The following PIAS2 variants were observed in gnomAD, a reference collection of about 807,000 sequenced individuals.
The protein encoded by PIAS2 is protein inhibitor of activated STAT 2, also known as E3 SUMO-protein ligase PIAS2.
In PIAS2, 19 loss-of-function variants were observed where a neutral mutation model predicts 69.7. That is an observed-to-expected ratio of 0.27 (90% CI 0.19 to 0.40). The LOEUF (loss-of-function observed/expected upper bound fraction) is 0.40. PIAS2 is among the 10% of genes least tolerant of loss of function. The probability of loss-of-function intolerance (pLI) is 1.00; values close to 1 mark genes in which losing one functional copy is unlikely to be tolerated. For synonymous variants in PIAS2, 261 were observed against 263.2 expected (o/e 0.99, Z 0.08); for missense variants, 624 against 757.0 (o/e 0.82, Z 2.06).
intron 11 of PIAS2, among the ~76,000 whole-genome samples, chr18:46,822,304 AAC>A (rs2042261255): frequency 6.6e-6 from 1 of 152,232 alleles, no homozygotes; most frequent in African/African-American, 2.4e-5. Flanking sequence ...GTGAATAAAT[AAC>A]ACAGGTCAGA....
At chr18:46,818,683 A>G (rs1195908670) in intron 12 of PIAS2, among the ~76,000 whole-genome samples, 2 of 152,098 alleles carry the variant, frequency 1.3e-5, no homozygotes, top group South Asian at 2.1e-4. Context: ...AAGTAAAACT[A>G]AACTATTTAG....
chr18:46,872,365 G>C lies in PIAS2; in HGVS notation c.500-8117C>G, dbSNP rs149309831. The stretch of plus-strand genomic sequence containing the variant: ...CAGGGACATATTTGTTTTTGAATGG[G>C]AAGATCCTCATTCTGAGCGAAAGCA... On this transcript the variant is annotated intron_variant, in intron 2 of 13. Transcript: ENST00000585916. Among the ~76,000 whole-genome samples, 162 of 152,352 alleles carry C rather than the reference G, an allele frequency of 1.1e-3. 1 individual carries two copies. Among genetic ancestry groups the C allele is most frequent in the Middle Eastern group, 0.01 (3 of 294 alleles).
intron 1 of PIAS2, among the ~76,000 whole-genome samples, chr18:46,911,512 G>A (rs1030884771): frequency 6.6e-6 from 1 of 151,986 alleles, no homozygotes; most frequent in African/African-American, 2.4e-5. Context: ...CACTGTGCCC[G>A]GCTGACTTTG....
intron 3 of PIAS2, among the ~76,000 whole-genome samples, chr18:46,859,867 G>A (rs2048402930): frequency 6.6e-6 from 1 of 152,166 alleles, no homozygotes; most frequent in African/African-American, 2.4e-5. Context: ...TTATCATAGA[G>A]TAGCAAGAAG....
At chr18:46,853,825 G>A (rs2047341261) in intron 5 of PIAS2, 1 of 152,318 alleles carries the variant, frequency 6.6e-6, no homozygotes, top group Non-Finnish European at 1.5e-5. Flanking sequence ...AAAAAGGATA[G>A]CTCCTGAGAA....
At chr18:46,890,336 G>A (rs2053879202) in intron 2 of PIAS2, among the ~76,000 whole-genome samples, 1 of 152,140 alleles carries the variant, frequency 6.6e-6, no homozygotes, top group Admixed American at 6.5e-5. Context: ...TGATCAAGAT[G>A]ATACATTTTA....
chr18:46,911,134 C>T (rs1467609824), intron 1 of PIAS2, among the ~76,000 whole-genome samples: 2 of 151,890 alleles, frequency 1.3e-5, no homozygotes, highest in African/African-American at 2.4e-5. Flanking sequence ...ATGGCTACAA[C>T]ATGAGAACCC....
At chr18:46,879,289 T>C (rs918215664) in intron 2 of PIAS2, among the ~76,000 whole-genome samples, 2 of 152,112 alleles carry the variant, frequency 1.3e-5, no homozygotes, top group Admixed American at 6.5e-5. Context: ...ATGGCAAATA[T>C]GCACATGAAA....
chr18:46,910,499 A>C (rs2057138914), intron 1 of PIAS2, among the ~76,000 whole-genome samples: 1 of 152,184 alleles, frequency 6.6e-6, no homozygotes, highest in African/African-American at 2.4e-5. Context: ...GAAGTGTCTC[A>C]AGAACTCTAG....
At chr18:46,828,477 C>T (rs1411896247) in intron 10 of PIAS2, among the ~76,000 whole-genome samples, 1 of 152,170 alleles carries the variant, frequency 6.6e-6, no homozygotes, top group Non-Finnish European at 1.5e-5. Flanking sequence ...GAAAGACACG[C>T]AGAGTTAGGG....
At chr18:46,831,602 A>G (rs2043628909) in intron 9 of PIAS2, among the ~76,000 whole-genome samples, 1 of 152,254 alleles carries the variant, frequency 6.6e-6, no homozygotes, top group Non-Finnish European at 1.5e-5. Context: ...CAGCAAATGC[A>G]GTATTGACAT....
upstream of PIAS2, among the ~76,000 whole-genome samples, chr18:46,918,335 CA>C (rs1200911729): frequency 6.6e-6 from 1 of 152,156 alleles, no homozygotes; most frequent in Non-Finnish European, 1.5e-5. Flanking sequence ...GTCTTTAAAA[CA>C]ATGTAACTTT....
At position 46,803,308 on chromosome 18, in the gene PIAS2, G is replaced by GT. The variant is rs1212217893; in HGVS notation, c.*9124dup. The stretch of plus-strand genomic sequence containing the variant: ...AAATATGGTGGTATTTTAAATGAAA[G>GT]TTTTTTAAAAAATGGATACTTACTT... On this transcript the variant is annotated 3_prime_UTR_variant, in exon 14 of 14. Coordinates refer to ENST00000585916, the MANE Select transcript of PIAS2 (RefSeq NM_004671.5). 1.3e-5 allele frequency: 2 copies of GT among 152,056 alleles called. No individual in the cohort carries two copies. Among genetic ancestry groups the GT allele is most frequent in the African/African-American group, 2.4e-5 (1 of 41,412 alleles). 9.4% of individuals were successfully genotyped at this position (152,056 alleles called of 1,614,324 possible).
At chr18:46,834,146 G>A (rs569091679) in intron 9 of PIAS2, among the ~76,000 whole-genome samples, 5 of 152,134 alleles carry the variant, frequency 3.3e-5, no homozygotes, top group African/African-American at 7.2e-5. Context: ...AATGTATGAC[G>A]GAACAACTGC....
At chr18:46,854,410 A>G (rs1183814908) in intron 5 of PIAS2, among the ~76,000 whole-genome samples, 1 of 152,160 alleles carries the variant, frequency 6.6e-6, no homozygotes, top group Non-Finnish European at 1.5e-5. Context: ...TCTCTTAGTG[A>G]TTCAGTTACA....
chr18:46,885,941 T>C (rs948322234), intron 2 of PIAS2, among the ~76,000 whole-genome samples: 7 of 152,248 alleles, frequency 4.6e-5, no homozygotes, highest in African/African-American at 1.7e-4. Flanking sequence ...TATTTAACTT[T>C]ACTGAGGTTA....
At chr18:46,886,448 A>G (rs570387069) in intron 2 of PIAS2, among the ~76,000 whole-genome samples, 2 of 152,362 alleles carry the variant, frequency 1.3e-5, no homozygotes, top group East Asian at 1.9e-4. Context: ...AATTAGGGAA[A>G]TACGTTAACC....
In PIAS2 at chr18:46,827,967, T is replaced by C; in HGVS notation, c.1500A>G (p.Pro500=). The change falls in exon 11 of 14, where the codon CCA becomes CCG. Residue 500 remains proline (P), a synonymous_variant. Transcript: ENST00000585916. ...CIFMSETQSS[P]TKGVLMYQPS... The stretch of plus-strand genomic sequence containing the variant: ...ACTATAAATTAACAAACCCTTTGGT[T>C]GGGCTGCTTTGTGTTTCTGACATAA... 2.5e-6 allele frequency: 4 copies of C among 1,613,588 alleles called. No homozygotes were observed. The highest frequency in any genetic ancestry group is 3.4e-6 in the Non-Finnish European group (4 of 1,179,734).
chr18:46,827,589 A>C (rs1420048614), intron 11 of PIAS2: 1 of 168,390 alleles, frequency 5.9e-6, no homozygotes, highest in Non-Finnish European at 1.3e-5. Context: ...TCACAGAACA[A>C]GTAAGCGATG....
Sources: allele counts gnomAD v4.1 joint callset (sites outside exome capture counted in the v4.1 genomes callset), GRCh38; gene constraint gnomAD v4.1.1; transcripts MANE v1.5; gene names NCBI Gene and HGNC (gene_info 2026-07-23, HGNC 2026-07-21).